The following SH3RF1 variants were observed in gnomAD, a reference collection of about 807,000 sequenced individuals.
SH3RF1 encodes the protein E3 ubiquitin-protein ligase SH3RF1.
SH3RF1 carries 32 observed loss-of-function variants against 74.0 expected under a neutral mutation model. The ratio of observed to expected loss-of-function variants is 0.43; its 90% CI spans 0.33 to 0.58. The LOEUF (loss-of-function observed/expected upper bound fraction) is 0.58. Ranked by LOEUF, SH3RF1 falls within the 20% of genes least tolerant of loss-of-function variation. The pLI, the probability that SH3RF1 is intolerant of heterozygous loss-of-function variation, is 0.05. For synonymous variants in SH3RF1, 396 were observed against 439.6 expected, an observed-to-expected ratio of 0.90 and a Z score of 1.24; for missense variants, 954 against 1,130.9, an observed-to-expected ratio of 0.84 and a Z score of 2.24.
chr4:169,222,339 C>T (rs1730580485), intron 2 of SH3RF1, among the ~76,000 whole-genome samples: 1 of 151,994 alleles, frequency 6.6e-6, no homozygotes, highest in African/African-American at 2.4e-5. Flanking sequence ...GTAGCAGACA[C>T]CTGTAGTCAC....
chr4:169,161,378 T>A (rs1734146329), intron 2 of SH3RF1, among the ~76,000 whole-genome samples: 1 of 152,270 alleles, frequency 6.6e-6, no homozygotes, highest in Non-Finnish European at 1.5e-5. Flanking sequence ...TACATACAGG[T>A]TGTCTTTTAA....
intron 6 of SH3RF1, among the ~76,000 whole-genome samples, chr4:169,123,383 G>A (rs1271173207): frequency 1.3e-5 from 2 of 152,148 alleles, no homozygotes; most frequent in Non-Finnish European, 2.9e-5. Flanking sequence ...GTAACTATTC[G>A]ATGCATTATG....
At chr4:169,117,074 T>C (rs1044491728) in intron 9 of SH3RF1, among the ~76,000 whole-genome samples, 1 of 152,204 alleles carries the variant, frequency 6.6e-6, no homozygotes, top group Non-Finnish European at 1.5e-5. Flanking sequence ...TCCCATTAGT[T>C]ACCCAAGACT....
intron 9 of SH3RF1, 40 bp downstream of exon 9, chr4:169,117,483 C>A (rs766278359): frequency 1.2e-6 from 2 of 1,602,860 alleles, no homozygotes; most frequent in East Asian, 4.5e-5. Flanking sequence ...GGCAGGTAAG[C>A]CCTTTATCCT....
intron 2 of SH3RF1, among the ~76,000 whole-genome samples, chr4:169,208,934 GAAA>G (rs1053490847): frequency 1.3e-5 from 2 of 151,282 alleles, no homozygotes; most frequent in Admixed American, 1.3e-4. Flanking sequence ...CTGAAAAAAA[GAAA>G]AAAAAGAAAA....
At chr4:169,190,410 A>C (rs1210975628) in intron 2 of SH3RF1, among the ~76,000 whole-genome samples, 1 of 152,188 alleles carries the variant, frequency 6.6e-6, no homozygotes, top group East Asian at 1.9e-4. Context: ...ACAACACAGA[A>C]ATACAAAAGA....
intron 4 of SH3RF1, among the ~76,000 whole-genome samples, chr4:169,154,550 T>C (rs1454273491): frequency 6.6e-6 from 1 of 152,224 alleles, no homozygotes; most frequent in East Asian, 1.9e-4. Flanking sequence ...AATAATCTTG[T>C]GCTCTCTCTT....
At chr4:169,251,522 A>C (rs1316539012) in intron 2 of SH3RF1, among the ~76,000 whole-genome samples, 1 of 152,224 alleles carries the variant, frequency 6.6e-6, no homozygotes, top group Non-Finnish European at 1.5e-5. Context: ...GAAAAACAGA[A>C]GCATACTGTC....
At position 169,115,380 on chromosome 4, in the gene SH3RF1, C is replaced by G. The variant is rs1011294523; in HGVS notation, c.2139+889G>C. Among the ~76,000 whole-genome samples, 3 of 152,212 alleles carry G rather than the reference C, an allele frequency of 2.0e-5. No individual in the cohort carries two copies. The East Asian group carries it at 5.8e-4, about 29-fold the overall frequency. ...CAGCCGCTCCCCATCACTTGCATTA[C>G]TGCCTGAGCTCCGCCTCCTGTCAGA... On this transcript the variant is annotated intron_variant, in intron 10 of 11. Transcript: ENST00000284637.
intron 11 of SH3RF1, among the ~76,000 whole-genome samples, chr4:169,106,602 T>C (rs866011781): frequency 1.3e-5 from 2 of 151,728 alleles, no homozygotes; most frequent in Non-Finnish European, 1.5e-5. Context: ...AATTCAGGCG[T>C]GGCAGAGTAG....
chr4:169,247,640 G>A (rs1420657124), intron 2 of SH3RF1, among the ~76,000 whole-genome samples: 1 of 152,172 alleles, frequency 6.6e-6, no homozygotes, highest in East Asian at 1.9e-4. Flanking sequence ...TAGGATTACT[G>A]TTCTGAAGAC....
At chr4:169,110,347 G>C (rs896348388) in intron 10 of SH3RF1, among the ~76,000 whole-genome samples, 2 of 151,898 alleles carry the variant, frequency 1.3e-5, no homozygotes, top group African/African-American at 4.8e-5. Context: ...GTGAGACCTC[G>C]TTTAAAAAAA....
At chr4:169,127,627 T>TAG (rs963392778) in intron 6 of SH3RF1, among the ~76,000 whole-genome samples, 9 of 152,246 alleles carry the variant, frequency 5.9e-5, no homozygotes, top group Non-Finnish European at 1.3e-4. Context: ...GTAGACATAC[T>TAG]GTTTAATCAA....
intron 2 of SH3RF1, among the ~76,000 whole-genome samples, chr4:169,265,944 T>C (rs1028863290): frequency 6.6e-5 from 10 of 152,230 alleles, no homozygotes; most frequent in African/African-American, 2.2e-4. Context: ...CTAATTTATA[T>C]ATATGCATTT....
chr4:169,126,708 C>T (rs569116365), intron 6 of SH3RF1, among the ~76,000 whole-genome samples: 115 of 152,128 alleles, frequency 7.6e-4, no homozygotes, highest in African/African-American at 2.1e-3. Context: ...CTCAGCCTCC[C>T]GAGTAGCTGG....
At chr4:169,261,166 C>G (rs1731273369) in intron 2 of SH3RF1, among the ~76,000 whole-genome samples, 1 of 145,712 alleles carries the variant, frequency 6.9e-6, no homozygotes, top group South Asian at 2.1e-4. Context: ...AGAAATGAAG[C>G]CCAGAGAAAC....
At chr4:169,099,072 C>T (rs917136823) in intron 11 of SH3RF1, among the ~76,000 whole-genome samples, 1 of 152,194 alleles carries the variant, frequency 6.6e-6, no homozygotes, top group African/African-American at 2.4e-5. Context: ...TAGATCAACA[C>T]AGTTAGGGTT....
At chr4:169,247,712 C>G (rs953957663) in intron 2 of SH3RF1, among the ~76,000 whole-genome samples, 1 of 151,954 alleles carries the variant, frequency 6.6e-6, no homozygotes, top group Non-Finnish European at 1.5e-5. Context: ...TTCCTGCACA[C>G]GACAGAAACT....
chr4:169,159,138 T>C (rs1257444361), intron 2 of SH3RF1, among the ~76,000 whole-genome samples: 2 of 152,186 alleles, frequency 1.3e-5, no homozygotes, highest in Non-Finnish European at 2.9e-5. Context: ...GCAATTCTGC[T>C]GTGCCCAGAA....
Sources: allele counts gnomAD v4.1 joint callset (sites outside exome capture counted in the v4.1 genomes callset), GRCh38; gene constraint gnomAD v4.1.1; transcripts MANE v1.5; gene names NCBI Gene and HGNC (gene_info 2026-07-23, HGNC 2026-07-21).